BEND6: variants seen among roughly 807,000 people sequenced by gnomAD.
BEND6 encodes the protein BEN domain-containing protein 6.
Under a neutral mutation model 31.8 loss-of-function variants are expected in BEND6, and 24 were observed. That is an observed-to-expected ratio of 0.75 (90% confidence interval 0.55 to 1.06). The LOEUF is 1.06. Ranked by LOEUF, BEND6 falls within the 50% of genes least tolerant of loss-of-function variation. The pLI is 0.00. For synonymous variants in BEND6, 109 were observed against 114.6 expected (o/e 0.95, Z 0.31); for missense variants, 294 against 327.4 (o/e 0.90, Z 0.79).
intron 1 of BEND6, among the ~76,000 whole-genome samples, chr6:56,977,496 G>A (rs1825918439): frequency 6.6e-6 from 1 of 152,166 alleles, no homozygotes; most frequent in Middle Eastern, 3.2e-3. Context: ...AAAATAATTA[G>A]ACAAATTTAC....
intron 3 of BEND6, among the ~76,000 whole-genome samples, chr6:57,006,812 A>T (rs1176617657): frequency 2.0e-5 from 3 of 152,344 alleles, no homozygotes; most frequent in Middle Eastern, 3.4e-3. Flanking sequence ...ACAATGCTGG[A>T]TGTATCACTC....
At chr6:56,982,330 C>T (rs1826100855) in intron 2 of BEND6, among the ~76,000 whole-genome samples, 1 of 152,198 alleles carries the variant, frequency 6.6e-6, no homozygotes, top group Admixed American at 6.5e-5. Context: ...GATCAGCAAA[C>T]TGTCAGAAAA....
At chr6:57,012,078 T>G (rs2127887354) in intron 3 of BEND6, among the ~76,000 whole-genome samples, 1 of 152,228 alleles carries the variant, frequency 6.6e-6, no homozygotes, top group African/African-American at 2.4e-5. Flanking sequence ...TGAACCGAGA[T>G]CATGCCACTG....
At chr6:56,989,191 C>A (rs961362145) in intron 2 of BEND6, among the ~76,000 whole-genome samples, 1 of 149,598 alleles carries the variant, frequency 6.7e-6, no homozygotes, top group Non-Finnish European at 1.5e-5. Context: ...GATAATGTAT[C>A]ATTAGTTTTA....
chr6:56,972,852 G>C (rs1267181187), intron 1 of BEND6, among the ~76,000 whole-genome samples: 1 of 152,214 alleles, frequency 6.6e-6, no homozygotes, highest in African/African-American at 2.4e-5. Flanking sequence ...TCAGTTTCTG[G>C]TGAAGGCTCT....
rs1593029873 is a variant in BEND6 at position 57,019,068 on chromosome 6, G to T, written c.*9+511G>T. Among the ~76,000 whole-genome samples, 5 of 152,210 alleles carry T rather than the reference G, an allele frequency of 3.3e-5. No individual in the cohort carries two copies. The South Asian group carries it at 6.2e-4, about 19-fold the overall frequency. On this transcript the variant is annotated intron_variant, in intron 6 of 6. Coordinates refer to ENST00000370746, the MANE Select transcript of BEND6 (RefSeq NM_152731.3). ...TGCAAACTATTGGCTGAAGTGTGCA[G>T]CGTTCTTCTCCACCATCCTACATGT...
rs577612406 is a variant in BEND6, at chr6:56,972,893, C to T, written c.-100-8818C>T. ...TGGCTTACAGGTGGCAGCCTTCTTG[C>T]TGTGTCCTCACATGACAAAGAAAGA... On this transcript the variant is annotated intron_variant, in intron 1 of 6. Transcript: ENST00000370746. Among the ~76,000 whole-genome samples, 189 of 152,324 alleles carry T rather than the reference C, an allele frequency of 1.2e-3. 2 individuals carry two copies. Among genetic ancestry groups the T allele is most frequent in the Non-Finnish European group, 1.6e-3 (106 of 68,016 alleles).
rs1448557352 is a variant in BEND6, at chr6:56,975,847, C to T, written c.-100-5864C>T. On this transcript the variant is annotated intron_variant, in intron 1 of 6. Transcript: ENST00000370746. ...TGTAGGCCAAGAAAGCTACTGACCT[C>T]TAATGCCTATGTTCATCAGTCATAG... 4 of 529,656 alleles carry T rather than the reference C, an allele frequency of 7.6e-6. No homozygotes were observed. The East Asian group carries it at 2.0e-4, about 27-fold the overall frequency. 32.8% of individuals were successfully genotyped at this position (529,656 alleles called of 1,614,324 possible). A position where few individuals can be genotyped will look rare whatever the true frequency, so the allele number is the denominator to read the frequency against.
intron 1 of BEND6, among the ~76,000 whole-genome samples, chr6:56,962,674 G>T (rs1015182238): frequency 3.3e-5 from 5 of 152,210 alleles, no homozygotes; most frequent in African/African-American, 9.7e-5. Context: ...ACTTAGAGAA[G>T]ATATTGCAGG....
At chr6:57,015,407 T>C (rs1827515493) in intron 4 of BEND6, 54 bp downstream of exon 4, 4 of 1,437,172 alleles carry the variant, frequency 2.8e-6, no homozygotes, top group Non-Finnish European at 3.8e-6. Flanking sequence ...AATAAAAAAT[T>C]TAAATAAGGG....
intron 2 of BEND6, among the ~76,000 whole-genome samples, chr6:56,982,228 C>T (rs981992407): frequency 8.5e-5 from 13 of 152,102 alleles, no homozygotes; most frequent in Admixed American, 3.9e-4. Context: ...CTTATGTTCT[C>T]TTTTTAATGT....
chr6:57,025,762 A>G (rs1352185918), intron 6 of BEND6, among the ~76,000 whole-genome samples: 1 of 152,064 alleles, frequency 6.6e-6, no homozygotes, highest in Non-Finnish European at 1.5e-5. Context: ...GGAAGCCTGA[A>G]TCTCTTACCA....
intron 5 of BEND6, 85 bp downstream of exon 5, chr6:57,017,484 T>C (rs558317097): frequency 2.4e-5 from 26 of 1,088,338 alleles, no homozygotes; most frequent in Non-Finnish European, 3.1e-5. Flanking sequence ...ATGGTCCTTT[T>C]ATTTTTTAAA....
rs142933491 is a variant in BEND6 at position 57,015,790 on chromosome 6, G to A, written c.519+437G>A. Among the ~76,000 whole-genome samples the A allele has an allele frequency of 2.9e-3, 424 of 147,928 alleles. 2 individuals carry two copies. The highest frequency in any genetic ancestry group is 9.7e-3 in the African/African-American group (387 of 39,972). On this transcript the variant is annotated intron_variant, in intron 4 of 6. Transcript: ENST00000370746. Reference sequence around the variant, plus strand: ...AGTGCCACTGCACTCCAGCCTGGGCGACAGAGCGAGACTCCGTCTGAAAAA... The same window carrying A: ...AGTGCCACTGCACTCCAGCCTGGGCAACAGAGCGAGACTCCGTCTGAAAAA...
At chr6:56,966,339 T>C (rs1825477100) in intron 1 of BEND6, among the ~76,000 whole-genome samples, 1 of 152,160 alleles carries the variant, frequency 6.6e-6, no homozygotes, top group African/African-American at 2.4e-5. Context: ...TGACCTAAGA[T>C]GATCCGCCTG....
chr6:57,023,897 C>G (rs964274446), intron 6 of BEND6, among the ~76,000 whole-genome samples: 9 of 152,024 alleles, frequency 5.9e-5, no homozygotes, highest in African/African-American at 1.9e-4. Flanking sequence ...TACTGTCTTC[C>G]TTTGTGGTTA....
chr6:57,024,429 G>A (rs1827842361), intron 6 of BEND6, among the ~76,000 whole-genome samples: 1 of 151,932 alleles, frequency 6.6e-6, no homozygotes, highest in Non-Finnish European at 1.5e-5. Flanking sequence ...GTTTCTCTGG[G>A]AAAGATTTTA....
At position 56,981,739 on chromosome 6, in the gene BEND6, A is replaced by G; in HGVS notation, c.-72A>G. ...AAGCATTAACTTTTGAGCTACGTCC[A>G]GAATAGCATCATCTTCATGGGTATT... On this transcript the variant is annotated 5_prime_UTR_variant, in exon 2 of 7. Transcript: ENST00000370746. 1 of 1,551,044 alleles carries G rather than the reference A, an allele frequency of 6.4e-7. No individual in the cohort carries two copies. Among genetic ancestry groups the G allele is most frequent in the Non-Finnish European group, 8.7e-7 (1 of 1,143,752 alleles).
chr6:57,022,164 C>CTTTTTTTTTTTTT (rs57185788), intron 6 of BEND6, among the ~76,000 whole-genome samples: 27 of 111,150 alleles, frequency 2.4e-4, no homozygotes, highest in African/African-American at 3.8e-4. Flanking sequence ...TTTTCTTTTT[C>CTTTTTTTTTTTTT]TTTTTTTTTT....
Sources: allele counts gnomAD v4.1 joint callset (sites outside exome capture counted in the v4.1 genomes callset), GRCh38; gene constraint gnomAD v4.1.1; transcripts MANE v1.5; gene names NCBI Gene and HGNC (gene_info 2026-07-23, HGNC 2026-07-21).